The following WDFY4 variants were observed in gnomAD, a reference collection of about 807,000 sequenced individuals.
WDFY4 encodes the protein WD repeat- and FYVE domain-containing protein 4.
WDFY4 carries 169 observed loss-of-function variants against 351.9 expected under a neutral mutation model. The observed-to-expected ratio is 0.48, with a 90% confidence interval of 0.42 to 0.55. The LOEUF is 0.55. Among genes scored for constraint, WDFY4 ranks in the 20% least tolerant of loss-of-function variants. The pLI is 0.00. For synonymous variants in WDFY4, 1,622 were observed against 1,574.6 expected, an observed-to-expected ratio of 1.03 and a Z score of -0.71; for missense variants, 3,803 against 3,935.6, an observed-to-expected ratio of 0.97 and a Z score of 0.90.
chr10:48,726,028 A>T lies in WDFY4; in HGVS notation c.739A>T (p.Ile247Phe). Residue 247 changes from isoleucine to phenylalanine, a missense_variant, in exon 6 of 62, where the codon ATC (isoleucine) becomes TTC (phenylalanine). Physicochemically the swap from Ile to Phe is conservative, Grantham distance 21. This residue lies in a region of WDFY4 where 488 missense variants were observed against 456.8 expected (regional missense o/e 1.07). Coordinates refer to ENST00000325239, the MANE Select transcript of WDFY4 (RefSeq NM_001394531.1). ...KEPTFCVLRA[I>F]SKAQNLSIIQ... ...ACCCACCTTCTGCGTGCTAAGGGCA[A>T]TCTCCAAGGCCCAGAACCTCAGCAT... The T allele has an allele frequency of 6.4e-7, 1 of 1,551,536 alleles. No homozygotes were observed. The highest frequency in any genetic ancestry group is 8.7e-7 in the Non-Finnish European group (1 of 1,146,904).
At chr10:48,870,958 G>A (rs1466425420) in intron 40 of WDFY4, among the ~76,000 whole-genome samples, 1 of 147,552 alleles carries the variant, frequency 6.8e-6, no homozygotes. Context: ...TTTTTTGATG[G>A]AGGCTCGCTC....
At position 48,700,916 on chromosome 10, in the gene WDFY4, TC is replaced by T. The variant is rs774248586; in HGVS notation, c.-17-8799del. On this transcript the variant is annotated intron_variant, in intron 1 of 61. Coordinates refer to ENST00000325239, the MANE Select transcript of WDFY4 (RefSeq NM_001394531.1). ...TTTATAATTGTAGTACATACCACAA[TC>T]TATAAGTAACATAACATAAGATTCA... is the stretch of plus-strand genomic sequence containing the variant. Among the ~76,000 whole-genome samples the T allele has an allele frequency of 2.8e-4, 43 of 152,300 alleles. 1 individual carries two copies. Among genetic ancestry groups the T allele is most frequent in the Admixed American group, 6.5e-4 (10 of 15,302 alleles).
chr10:48,800,488 A>T (rs552248252), intron 24 of WDFY4, among the ~76,000 whole-genome samples: 1 of 152,014 alleles, frequency 6.6e-6, no homozygotes, highest in East Asian at 1.9e-4. Flanking sequence ...GGAGGGACAA[A>T]AATTTGTGAG....
At chr10:48,815,609 C>G (rs535065769) in intron 31 of WDFY4, among the ~76,000 whole-genome samples, 1 of 152,132 alleles carries the variant, frequency 6.6e-6, no homozygotes, top group Admixed American at 6.6e-5. Flanking sequence ...CAGGTGTGCA[C>G]CACCAATGCC....
At chr10:48,698,726 G>T (rs1489049433) in intron 1 of WDFY4, among the ~76,000 whole-genome samples, 1 of 152,226 alleles carries the variant, frequency 6.6e-6, no homozygotes, top group African/African-American at 2.4e-5. Flanking sequence ...AATAAACGCT[G>T]ATGGGAAATG....
intron 3 of WDFY4, among the ~76,000 whole-genome samples, chr10:48,720,463 A>G (rs2064045518): frequency 6.6e-6 from 1 of 152,000 alleles, no homozygotes; most frequent in Non-Finnish European, 1.5e-5. Flanking sequence ...AGATACACAT[A>G]GACACACAGA....
At chr10:48,857,068 G>T (rs896313288) in intron 39 of WDFY4, among the ~76,000 whole-genome samples, 4 of 152,156 alleles carry the variant, frequency 2.6e-5, no homozygotes, top group Non-Finnish European at 2.9e-5. Context: ...AAATACTCAT[G>T]CCAATAACTG....
At chr10:48,901,108 G>A (rs1837328880) in intron 46 of WDFY4, among the ~76,000 whole-genome samples, 1 of 152,206 alleles carries the variant, frequency 6.6e-6, no homozygotes, top group African/African-American at 2.4e-5. Flanking sequence ...GCCCACTACT[G>A]CATCCAAGAG....
In WDFY4 at chr10:48,901,868, T is replaced by C; in HGVS notation, c.7586+5T>C. 8 of 1,551,424 alleles carry C rather than the reference T, an allele frequency of 5.2e-6. No individual in the cohort carries two copies. Among genetic ancestry groups the C allele is most frequent in the African/African-American group, 1.4e-5 (1 of 73,178 alleles). On this transcript the variant is annotated splice_donor_5th_base_variant and intron_variant, in intron 47 of 61. Transcript: ENST00000325239. ...GGAGGACACCCTCAGTCTAAGGTAATGGCGGGTAGCCATGCTGTCTGGGCA... is the reference window on the plus strand; with the variant it reads ...GGAGGACACCCTCAGTCTAAGGTAACGGCGGGTAGCCATGCTGTCTGGGCA...
rs577517983 is a variant in WDFY4 at position 48,830,279 on chromosome 10, C to G, written c.6341-421C>G. On this transcript the variant is annotated intron_variant, in intron 37 of 61. Transcript: ENST00000325239. Reference sequence around the variant, plus strand: ...AGTCTTGAGCTTGGTGTCCATTCCCCTGAGAGGTCAACATGTAAGGGAAGG... The same window carrying G: ...AGTCTTGAGCTTGGTGTCCATTCCCGTGAGAGGTCAACATGTAAGGGAAGG... Among the ~76,000 whole-genome samples, 3 of 152,300 alleles carry G rather than the reference C, an allele frequency of 2.0e-5. No homozygotes were observed. The South Asian group carries it at 6.2e-4, about 32-fold the overall frequency.
intron 13 of WDFY4, among the ~76,000 whole-genome samples, chr10:48,760,658 C>T (rs922233813): frequency 1.5e-4 from 23 of 152,334 alleles, no homozygotes; most frequent in African/African-American, 5.3e-4. Flanking sequence ...AAACAGATCA[C>T]TTCTGTTAAC....
intron 1 of WDFY4, among the ~76,000 whole-genome samples, chr10:48,701,752 C>A (rs950718343): frequency 6.6e-6 from 1 of 152,168 alleles, no homozygotes; most frequent in South Asian, 2.1e-4. Flanking sequence ...GCTATGGAAC[C>A]ACTCTGAGGC....
At chr10:48,768,781 A>G (rs1235951784) in intron 13 of WDFY4, among the ~76,000 whole-genome samples, 2 of 148,330 alleles carry the variant, frequency 1.3e-5, no homozygotes, top group Admixed American at 6.8e-5. Flanking sequence ...GAAATTTAAC[A>G]TGATTGAAGT....
chr10:48,727,752 G>A (rs149076698), intron 7 of WDFY4, 93 bp downstream of exon 7: 2 of 1,444,184 alleles, frequency 1.4e-6, no homozygotes, highest in Admixed American at 4.4e-5. Context: ...AATAGATATA[G>A]CTCCATAGAA....
intron 40 of WDFY4, among the ~76,000 whole-genome samples, chr10:48,869,586 C>G (rs2069683166): frequency 6.6e-6 from 1 of 151,554 alleles, no homozygotes; most frequent in Non-Finnish European, 1.5e-5. Flanking sequence ...AAAGTTGCCT[C>G]TACAGTCTGG....
At chr10:48,804,965 A>G (rs1328551961) in intron 25 of WDFY4, among the ~76,000 whole-genome samples, 2 of 151,926 alleles carry the variant, frequency 1.3e-5, no homozygotes, top group Non-Finnish European at 2.9e-5. Flanking sequence ...TGAGTTTCTG[A>G]GGCCAGCACT....
At chr10:48,847,880 A>G (rs903419360) in intron 39 of WDFY4, among the ~76,000 whole-genome samples, 48 of 152,226 alleles carry the variant, frequency 3.2e-4, no homozygotes, top group African/African-American at 1.1e-3. Context: ...TCAGAAATTA[A>G]TATGTGAGTG....
chr10:48,778,092 A>G (rs2066093811), intron 17 of WDFY4, among the ~76,000 whole-genome samples: 2 of 152,252 alleles, frequency 1.3e-5, no homozygotes, highest in Admixed American at 1.3e-4. Context: ...CAAGTGCCTG[A>G]TGCTGCCTGA....
At chr10:48,928,058 A>C (rs76632558) in intron 47 of WDFY4, among the ~76,000 whole-genome samples, 3,324 of 152,224 alleles carry the variant, frequency 0.022, 124 homozygotes, top group African/African-American at 0.076. Context: ...CATTCCACCC[A>C]ATGTGTTTTA....
Sources: allele counts gnomAD v4.1 joint callset (sites outside exome capture counted in the v4.1 genomes callset), GRCh38; gene constraint gnomAD v4.1.1; regional missense constraint gnomAD v4.1.1; transcripts MANE v1.5; gene names NCBI Gene and HGNC (gene_info 2026-07-23, HGNC 2026-07-21).